The following RBFOX3 variants were observed in gnomAD, a reference collection of about 807,000 sequenced individuals.
RBFOX3 encodes RNA binding fox-1 homolog 3.
In RBFOX3, 17 loss-of-function variants were observed where a neutral mutation model predicts 48.7. The observed-to-expected ratio is 0.35, with a 90% CI of 0.24 to 0.52. RBFOX3 has a LOEUF of 0.52. Ranked by LOEUF, RBFOX3 falls within the 20% of genes least tolerant of loss-of-function variation. The pLI, the probability that RBFOX3 is intolerant of heterozygous loss-of-function variation, is 0.94. For synonymous variants in RBFOX3, 212 were observed against 209.5 expected (o/e 1.01, Z -0.10); for missense variants, 382 against 497.5 (o/e 0.77, Z 2.21).
At chr17:79,647,060 CGT>C in the RBFOX3 span, among the ~76,000 whole-genome samples, 70,123 of 149,394 alleles carry the variant, frequency 0.47, 19,667 homozygotes, top group Non-Finnish European at 0.62. Context: ...TTTTCACTGC[CGT>C]GTGTGTGTGT....
intron 1 of RBFOX3, among the ~76,000 whole-genome samples, chr17:79,561,473 G>A (rs1420368477): frequency 2.6e-5 from 4 of 152,130 alleles, no homozygotes; most frequent in Non-Finnish European, 2.9e-5. Flanking sequence ...AGCAAGGGTC[G>A]CCAAACTCAG....
chr17:79,142,092 G>A (rs1480956353), intron 4 of RBFOX3, among the ~76,000 whole-genome samples: 1 of 152,212 alleles, frequency 6.6e-6, no homozygotes, highest in African/African-American at 2.4e-5. Flanking sequence ...ACACCGTCTG[G>A]ATGAAGGGAA....
At chr17:79,110,038 G>A (rs1041117108) in intron 5 of RBFOX3, among the ~76,000 whole-genome samples, 1 of 152,030 alleles carries the variant, frequency 6.6e-6, no homozygotes, top group African/African-American at 2.4e-5. Flanking sequence ...ACTGCCCCAG[G>A]CCGGGGGATG....
the RBFOX3 span, among the ~76,000 whole-genome samples, chr17:79,643,976 T>C: frequency 1.3e-5 from 2 of 152,096 alleles, no homozygotes; most frequent in Non-Finnish European, 2.9e-5. Flanking sequence ...AGCTAAAAGA[T>C]GGTTCTTTGA....
At chr17:79,577,589 C>T (rs2092906191) in intron 1 of RBFOX3, among the ~76,000 whole-genome samples, 1 of 152,216 alleles carries the variant, frequency 6.6e-6, no homozygotes, top group Non-Finnish European at 1.5e-5. Context: ...CTTGCATGAG[C>T]GACAGAAGTT....
At chr17:79,380,414 G>A (rs1253487356) in intron 2 of RBFOX3, among the ~76,000 whole-genome samples, 2 of 152,258 alleles carry the variant, frequency 1.3e-5, no homozygotes, top group Non-Finnish European at 1.5e-5. Context: ...GACAGGCTGT[G>A]CATTCACAAT....
chr17:79,117,168 G>A (rs919385470), intron 4 of RBFOX3, among the ~76,000 whole-genome samples: 1 of 152,194 alleles, frequency 6.6e-6, no homozygotes, highest in African/African-American at 2.4e-5. Context: ...CGAGGCACTC[G>A]CCCCCCCAGG....
At chr17:79,433,196 C>T (rs1183447574) in intron 2 of RBFOX3, among the ~76,000 whole-genome samples, 1 of 152,132 alleles carries the variant, frequency 6.6e-6, no homozygotes, top group Admixed American at 6.5e-5. Flanking sequence ...TGTGAGTCAC[C>T]CCACTCGCAT....
intron 1 of RBFOX3, among the ~76,000 whole-genome samples, chr17:79,487,200 G>A (rs2079743834): frequency 6.6e-6 from 1 of 152,156 alleles, no homozygotes; most frequent in Non-Finnish European, 1.5e-5. Context: ...CAAGGTAGCT[G>A]GAGCAGAAGC....
rs1018187262 is a variant in RBFOX3 at position 79,090,712 on chromosome 17, G to A, written c.*171C>T. ...CCCTGCCGGCGTGCTCCCTCGGTGCGGGCGTGTGGCCAGGACGCGGGACTT... is the reference window on the plus strand; with the variant it reads ...CCCTGCCGGCGTGCTCCCTCGGTGCAGGCGTGTGGCCAGGACGCGGGACTT... On this transcript the variant is annotated 3_prime_UTR_variant, in exon 15 of 15. Coordinates refer to ENST00000693108, the MANE Select transcript of RBFOX3 (RefSeq NM_001350451.2). The A allele has an allele frequency of 2.8e-5, 23 of 820,180 alleles. No homozygotes were observed. Among genetic ancestry groups the A allele is most frequent in the East Asian group, 1.1e-4 (4 of 37,052 alleles). 50.8% of individuals were successfully genotyped at this position (820,180 alleles called of 1,614,324 possible).
At chr17:79,289,164 C>A (rs138661574) in intron 3 of RBFOX3, among the ~76,000 whole-genome samples, 99 of 152,340 alleles carry the variant, frequency 6.5e-4, no homozygotes, top group African/African-American at 2.2e-3. Flanking sequence ...GGACACCAGG[C>A]CTCTCCAATA....
intron 2 of RBFOX3, among the ~76,000 whole-genome samples, chr17:79,434,903 A>G (rs1270918678): frequency 1.3e-5 from 2 of 152,216 alleles, no homozygotes; most frequent in Non-Finnish European, 2.9e-5. Flanking sequence ...GACAGTGCTC[A>G]AAGAATGACT....
intron 1 of RBFOX3, among the ~76,000 whole-genome samples, chr17:79,610,508 G>C (rs1406371806): frequency 6.6e-6 from 1 of 151,968 alleles, no homozygotes; most frequent in Admixed American, 6.5e-5. Flanking sequence ...CAGCGCGCGG[G>C]ACTCCCTGGC....
In RBFOX3 at chr17:79,090,276, T is replaced by C. The variant is rs1364192672; in HGVS notation, c.*607A>G. The C allele has an allele frequency of 1.3e-5, 2 of 152,450 alleles. No individual in the cohort carries two copies. Among genetic ancestry groups the C allele is most frequent in the Non-Finnish European group, 1.5e-5 (1 of 68,220 alleles). 9.4% of individuals were successfully genotyped at this position (152,450 alleles called of 1,614,324 possible). A position where few individuals can be genotyped will look rare whatever the true frequency, so the allele number is the denominator to read the frequency against. Reference sequence around the variant, plus strand: ...CCGGGGCTACTGTTGGACGGCTTCCTCGCCAGGCTGGGGGCACGGGCGGGA... The same window carrying C: ...CCGGGGCTACTGTTGGACGGCTTCCCCGCCAGGCTGGGGGCACGGGCGGGA... On this transcript the variant is annotated 3_prime_UTR_variant, in exon 15 of 15. Transcript: ENST00000693108.
the RBFOX3 span, among the ~76,000 whole-genome samples, chr17:79,653,214 C>A: frequency 3.9e-5 from 6 of 152,148 alleles, no homozygotes; most frequent in Admixed American, 1.3e-4. Context: ...ACATGCACGT[C>A]GGCACAGGGT....
chr17:79,473,191 C>A lies in RBFOX3; in HGVS notation c.-175+9263G>T, dbSNP rs1666446118. Among the ~76,000 whole-genome samples, 2 of 152,258 alleles carry A rather than the reference C, an allele frequency of 1.3e-5. No homozygotes were observed. Among genetic ancestry groups the A allele is most frequent in the Non-Finnish European group, 2.9e-5 (2 of 68,048 alleles). On this transcript the variant is annotated intron_variant, in intron 2 of 14. Coordinates refer to ENST00000693108, the MANE Select transcript of RBFOX3 (RefSeq NM_001350451.2). The surrounding 1 kb of genome is among the most constrained non-coding windows in gnomAD (Gnocchi z 4.2). Reference sequence around the variant, plus strand: ...AATGCTTAATTTCAGCTTCTGTACTCAGTTGCAGGGATCAGGAGCAGCACC... The same window carrying A: ...AATGCTTAATTTCAGCTTCTGTACTAAGTTGCAGGGATCAGGAGCAGCACC...
chr17:79,512,831 G>A (rs568395284), intron 1 of RBFOX3, among the ~76,000 whole-genome samples: 2 of 146,170 alleles, frequency 1.4e-5, no homozygotes, highest in African/African-American at 5.1e-5. Context: ...CCGGATACGT[G>A]TTACCATCGG....
At chr17:79,455,575 G>A (rs577255713) in intron 2 of RBFOX3, among the ~76,000 whole-genome samples, 14 of 152,136 alleles carry the variant, frequency 9.2e-5, no homozygotes, top group South Asian at 2.1e-4. Flanking sequence ...CCAGGCACAC[G>A]GGTGTGTGCA....
At chr17:79,161,969 G>C (rs1309190961) in intron 4 of RBFOX3, among the ~76,000 whole-genome samples, 1 of 152,184 alleles carries the variant, frequency 6.6e-6, no homozygotes, top group Non-Finnish European at 1.5e-5. Flanking sequence ...TGAGGCCCCA[G>C]CGGGACTTTT....
Sources: gnomAD v4.1 joint callset for allele counts (sites outside exome capture counted in the v4.1 genomes callset) on GRCh38, gnomAD v4.1.1 for gene constraint, Gnocchi (gnomAD v3.1) non-coding constraint, MANE v1.5 for transcripts, NCBI Gene and HGNC (gene_info 2026-07-23, HGNC 2026-07-21) for gene names.